UNC80: variants seen among roughly 807,000 people sequenced by gnomAD.
UNC80 encodes the protein protein unc-80 homolog.
A neutral mutation model predicts 384.6 loss-of-function variants in UNC80; 164 were observed. The observed-to-expected ratio is 0.43, with a 90% CI of 0.38 to 0.49. UNC80 has a LOEUF of 0.49. Among genes scored for constraint, UNC80 ranks in the 20% least tolerant of loss-of-function variants. UNC80 has a pLI of 0.00. For missense variants in UNC80, 3,330 were observed against 4,143.0 expected, an observed-to-expected ratio of 0.80 and a Z score of 5.39; for synonymous variants, 1,486 against 1,527.8, an observed-to-expected ratio of 0.97 and a Z score of 0.64.
At chr2:209,963,555 A>C (rs1431030753) in intron 51 of UNC80, among the ~76,000 whole-genome samples, 4 of 152,218 alleles carry the variant, frequency 2.6e-5, no homozygotes, top group Non-Finnish European at 4.4e-5. Context: ...AGCACTTCTC[A>C]ATGTTATCTT....
chr2:209,965,181 A>T (rs1338589506), intron 51 of UNC80, among the ~76,000 whole-genome samples: 1 of 152,050 alleles, frequency 6.6e-6, no homozygotes. Flanking sequence ...CACACCTGTA[A>T]TCCCAGCACT....
At chr2:209,918,243 C>T (rs2089720546) in intron 32 of UNC80, among the ~76,000 whole-genome samples, 1 of 152,086 alleles carries the variant, frequency 6.6e-6, no homozygotes, top group South Asian at 2.1e-4. Context: ...AAACATTTTG[C>T]TATATATAAA....
In UNC80 at chr2:209,994,279, G is replaced by C; in HGVS notation, c.9708+15G>C. The C allele has an allele frequency of 1.3e-6, 2 of 1,542,198 alleles. No homozygotes were observed. Among genetic ancestry groups the C allele is most frequent in the Non-Finnish European group, 1.8e-6 (2 of 1,142,292 alleles). On this transcript the variant is annotated intron_variant, in intron 64 of 64. Coordinates refer to ENST00000673920, the MANE Select transcript of UNC80 (RefSeq NM_001371986.1). ...CTCCCAAGCAGGTGAGGGCACTAGA[G>C]AAACAGGCAAGGCTTGCTCCCTGTG...
chr2:209,916,103 C>T (rs2089508139), intron 31 of UNC80, among the ~76,000 whole-genome samples: 1 of 151,998 alleles, frequency 6.6e-6, no homozygotes, highest in Admixed American at 6.6e-5. Context: ...TGACATGACA[C>T]TGAAACTAAA....
rs1183697139 is a variant in UNC80, at chr2:209,976,773, A to C, written c.8773-140A>C. The C allele has an allele frequency of 2.1e-5, 20 of 941,992 alleles. No homozygotes were observed. Among genetic ancestry groups the C allele is most frequent in the Non-Finnish European group, 3.1e-5 (20 of 654,850 alleles). 58.4% of individuals were successfully genotyped at this position (941,992 alleles called of 1,614,324 possible). A position where few individuals can be genotyped will look rare whatever the true frequency, so the allele number is the denominator to read the frequency against. On this transcript the variant is annotated intron_variant, in intron 57 of 64. Transcript: ENST00000673920. This position sits in a 1 kb window ranked among gnomAD's most constrained non-coding sequence, Gnocchi z 4.3. ...ATTTAAAACGATGTAATTATTAAGC[A>C]CTTCCTGTGTAAAGTGCCGTTCTAG...
At chr2:209,903,838 G>A (rs1420803243) in intron 28 of UNC80, among the ~76,000 whole-genome samples, 1 of 151,410 alleles carries the variant, frequency 6.6e-6, no homozygotes, top group African/African-American at 2.4e-5. Context: ...CCACATGGCT[G>A]CAATCAACAT....
intron 22 of UNC80, among the ~76,000 whole-genome samples, chr2:209,854,320 A>G (rs983055037): frequency 1.4e-5 from 2 of 145,744 alleles, no homozygotes; most frequent in African/African-American, 5.4e-5. Context: ...TAACTATGAA[A>G]TGTAGCATAA....
At chr2:209,899,127 A>G (rs573358552) in intron 28 of UNC80, among the ~76,000 whole-genome samples, 1 of 152,312 alleles carries the variant, frequency 6.6e-6, no homozygotes, top group East Asian at 1.9e-4. Flanking sequence ...TAACTTCAAT[A>G]TATGAATCTA....
At chr2:209,859,010 TATAGAA>T (rs2083154498) in intron 22 of UNC80, among the ~76,000 whole-genome samples, 1 of 152,228 alleles carries the variant, frequency 6.6e-6, no homozygotes, top group South Asian at 2.1e-4. Context: ...CCTTTATGTT[TATAGAA>T]ATCACATACA....
chr2:209,789,130 A>G (rs2077637751), intron 5 of UNC80, among the ~76,000 whole-genome samples: 2 of 152,212 alleles, frequency 1.3e-5, no homozygotes, highest in Admixed American at 6.5e-5. Flanking sequence ...AGTAAACTCT[A>G]TGATGTTTGC....
At chr2:209,881,469 G>A (rs752201315) in intron 25 of UNC80, among the ~76,000 whole-genome samples, 1 of 152,114 alleles carries the variant, frequency 6.6e-6, no homozygotes, top group African/African-American at 2.4e-5. Flanking sequence ...TCATAAATCT[G>A]TATAGAAATT....
At chr2:209,833,945 A>G (rs79621774) in intron 16 of UNC80, 57 bp from the exon 17 acceptor site, 1 of 1,520,700 alleles carries the variant, frequency 6.6e-7, no homozygotes, top group Non-Finnish European at 8.9e-7. Flanking sequence ...ACCTGGAAAA[A>G]CTATTTAATC....
At position 209,819,203 on chromosome 2, in the gene UNC80, C is replaced by A. The variant is rs759633295; in HGVS notation, c.1904C>A (p.Thr635Lys). The A allele has an allele frequency of 6.4e-7, 1 of 1,551,944 alleles. No homozygotes were observed. Residue 635 changes from threonine (T) to lysine (K), a missense_variant, in exon 12 of 65, where the codon ACA (threonine) becomes AAA (lysine). Around this residue, in one of 8 missense-constraint regions of UNC80, gnomAD observed 937 missense variants for 1,026.8 expected, o/e 0.91. Transcript: ENST00000673920. ...ATAAACTACAGCTACCTAGAGGACA[C>A]AGAACATATTGACGGGACCAATAAC... is the stretch of plus-strand genomic sequence containing the variant. ...SCINYSYLED[T>K]EHIDGTNNFV...
intron 23 of UNC80, among the ~76,000 whole-genome samples, chr2:209,874,192 G>A (rs943736221): frequency 3.3e-5 from 5 of 152,016 alleles, no homozygotes; most frequent in African/African-American, 1.2e-4. Flanking sequence ...AATTATATTC[G>A]GTTTTAACCT....
rs114069063 is a variant in UNC80 at position 209,809,164 on chromosome 2, A to C, written c.939-4416A>C. The stretch of plus-strand genomic sequence containing the variant: ...TTCTTCCTTGGAGGCGGAGGCCGAT[A>C]CCACCTTCCCAGGCTTGGGCCAAGT... On this transcript the variant is annotated intron_variant, in intron 7 of 64. Transcript: ENST00000673920. 1,023 of 624,012 alleles carry C rather than the reference A, an allele frequency of 1.6e-3. 3 individuals are homozygous for C. In the African/African-American group the frequency reaches 0.017, roughly 11 times the overall value. 38.7% of individuals were successfully genotyped at this position (624,012 alleles called of 1,614,324 possible). A position where few individuals can be genotyped will look rare whatever the true frequency, so the allele number is the denominator to read the frequency against.
intron 23 of UNC80, among the ~76,000 whole-genome samples, 169 bp from the exon 24 acceptor site, chr2:209,877,785 C>G (rs946462146): frequency 1.3e-5 from 2 of 152,166 alleles, no homozygotes; most frequent in African/African-American, 2.4e-5. Flanking sequence ...TCTTCCATTT[C>G]TGGTTTCCAT....
At chr2:209,858,608 A>G (rs1339340663) in intron 22 of UNC80, among the ~76,000 whole-genome samples, 1 of 151,810 alleles carries the variant, frequency 6.6e-6, no homozygotes, top group Non-Finnish European at 1.5e-5. Context: ...GCACAAGAAT[A>G]GCTTGAACCC....
chr2:209,867,451 C>T (rs1401802752), intron 22 of UNC80, among the ~76,000 whole-genome samples: 1 of 152,004 alleles, frequency 6.6e-6, no homozygotes, highest in African/African-American at 2.4e-5. Flanking sequence ...CTCGGTGCTC[C>T]AAACTTGTAT....
chr2:209,990,531 A>G (rs1258234998), intron 61 of UNC80, among the ~76,000 whole-genome samples: 2 of 152,182 alleles, frequency 1.3e-5, no homozygotes, highest in African/African-American at 2.4e-5. Flanking sequence ...ATCCATTCCA[A>G]TGAAAGCTTT....
Sources: gnomAD v4.1 joint callset for allele counts (sites outside exome capture counted in the v4.1 genomes callset) on GRCh38, gnomAD v4.1.1 for gene constraint, gnomAD v4.1.1 regional missense constraint, Gnocchi (gnomAD v3.1) non-coding constraint, MANE v1.5 for transcripts, NCBI Gene and HGNC (gene_info 2026-07-23, HGNC 2026-07-21) for gene names.